The following ANKS1B variants were observed in gnomAD, a reference collection of about 807,000 sequenced individuals.
ANKS1B encodes the protein ankyrin repeat and sterile alpha motif domain containing 1B.
Under a neutral mutation model 148.3 loss-of-function variants are expected in ANKS1B, and 36 were observed. The ratio of observed to expected loss-of-function variants is 0.24; its 90% confidence interval spans 0.19 to 0.32. The LOEUF (loss-of-function observed/expected upper bound fraction) is 0.32. Ranked by LOEUF, ANKS1B falls within the 10% of genes least tolerant of loss-of-function variation. ANKS1B has a pLI of 1.00. For missense variants in ANKS1B, 1,157 were observed against 1,542.6 expected (o/e 0.75, Z 4.19); for synonymous variants, 542 against 560.8 (o/e 0.97, Z 0.47).
At chr12:99,807,086 G>C (rs925567297) in intron 3 of ANKS1B, among the ~76,000 whole-genome samples, 2 of 152,158 alleles carry the variant, frequency 1.3e-5, no homozygotes, top group African/African-American at 4.8e-5. Context: ...ACTTTTAATA[G>C]ACTGGCTTTC....
At chr12:98,924,691 G>C (rs529889870) in intron 17 of ANKS1B, among the ~76,000 whole-genome samples, 46 of 152,202 alleles carry the variant, frequency 3.0e-4, no homozygotes, top group Admixed American at 5.2e-4. Flanking sequence ...ATGGTCTTAT[G>C]GTGTCAGAAG....
intron 17 of ANKS1B, among the ~76,000 whole-genome samples, chr12:98,934,736 T>A (rs968368976): frequency 3.3e-5 from 5 of 152,074 alleles, no homozygotes; most frequent in African/African-American, 1.2e-4. Context: ...GTAAATAGAA[T>A]TTTTTTCCTA....
rs576118876 is a variant in ANKS1B, at chr12:99,711,548, A to T, written c.1129-56338T>A. Among the ~76,000 whole-genome samples, 8 of 152,292 alleles carry T rather than the reference A, an allele frequency of 5.3e-5. 1 individual carries two copies. The East Asian group carries it at 1.4e-3, about 26-fold the overall frequency. On this transcript the variant is annotated intron_variant, in intron 8 of 26. Transcript: ENST00000683438. The stretch of plus-strand genomic sequence containing the variant: ...ATTTAAAAGTGGGCAAAGAACGTGA[A>T]CACTTTCCTAAAGAAGATATACCTG...
rs1256789324 is a variant in ANKS1B at position 98,894,882 on chromosome 12, G to A, written c.2779-62746C>T. 6.1e-6 allele frequency: 6 copies of A among 975,748 alleles called. No individual in the cohort carries two copies. In the South Asian group the frequency reaches 2.8e-4, roughly 46 times the overall value. The allele number at this position is 975,748 out of a possible 1,614,324, so 60.4% of individuals were successfully genotyped here. A position where few individuals can be genotyped will look rare whatever the true frequency, so the allele number is the denominator to read the frequency against. ...CTCCCCGCGAGCTCCCCGGGCCCGC[G>A]CGCGCGCCCCCCACTGCCCCCGCCC... On this transcript the variant is annotated intron_variant, in intron 17 of 26. Coordinates refer to ENST00000683438, the MANE Select transcript of ANKS1B (RefSeq NM_001352186.2).
chr12:98,955,666 G>A (rs574535986), intron 17 of ANKS1B, among the ~76,000 whole-genome samples: 2 of 152,310 alleles, frequency 1.3e-5, no homozygotes, highest in African/African-American at 2.4e-5. Context: ...TTTGGCATAT[G>A]AGAGACAGAG....
At chr12:99,209,152 A>G (rs1170173338) in intron 14 of ANKS1B, among the ~76,000 whole-genome samples, 2 of 152,186 alleles carry the variant, frequency 1.3e-5, no homozygotes, top group Non-Finnish European at 2.9e-5. Context: ...TTGGTTTCCT[A>G]TCTTCCAGAG....
chr12:98,862,479 G>GA (rs142640168), intron 17 of ANKS1B, among the ~76,000 whole-genome samples: 1 of 152,174 alleles, frequency 6.6e-6, no homozygotes, highest in East Asian at 1.9e-4. Context: ...ATTATTACTA[G>GA]AAAAAAATTG....
At chr12:99,135,208 A>T (rs1230398084) in intron 15 of ANKS1B, among the ~76,000 whole-genome samples, 1 of 152,136 alleles carries the variant, frequency 6.6e-6, no homozygotes, top group African/African-American at 2.4e-5. Flanking sequence ...ATTGAAAGCA[A>T]TCTCCTAGAG....
At chr12:99,876,774 A>G (rs976253749) in intron 1 of ANKS1B, among the ~76,000 whole-genome samples, 5 of 151,978 alleles carry the variant, frequency 3.3e-5, no homozygotes, top group Non-Finnish European at 1.5e-5. Context: ...CTGTGCAAAG[A>G]ACACTGTATG....
intron 12 of ANKS1B, among the ~76,000 whole-genome samples, chr12:99,399,105 G>T (rs1205896737): frequency 6.6e-6 from 1 of 152,088 alleles, no homozygotes; most frequent in Admixed American, 6.6e-5. Context: ...AAATCTGACT[G>T]CATGGAACAA....
At chr12:99,347,305 C>T (rs1044806225) in intron 12 of ANKS1B, among the ~76,000 whole-genome samples, 2 of 151,908 alleles carry the variant, frequency 1.3e-5, no homozygotes, top group African/African-American at 4.8e-5. Context: ...AAGTGAGATG[C>T]TTGGGGGAGT....
chr12:99,607,977 CA>C (rs1567463634), intron 9 of ANKS1B, among the ~76,000 whole-genome samples: 1 of 151,772 alleles, frequency 6.6e-6, no homozygotes, highest in Non-Finnish European at 1.5e-5. Flanking sequence ...ATGAGTGGTA[CA>C]AAAAGTACAT....
chr12:99,618,358 T>C (rs912370784), intron 9 of ANKS1B, among the ~76,000 whole-genome samples: 3 of 152,226 alleles, frequency 2.0e-5, no homozygotes, highest in African/African-American at 7.2e-5. Context: ...AAAATCTCTA[T>C]ACTGCGTTTT....
chr12:98,832,042 G>A lies in ANKS1B; in HGVS notation c.2873C>T (p.Ser958Phe). Residue 958 changes from serine (S) to phenylalanine (F), a missense_variant, in exon 18 of 27, where the codon TCC becomes TTC. Coordinates refer to ENST00000683438, the MANE Select transcript of ANKS1B (RefSeq NM_001352186.2). ...CTTGGCACTTACCCTGAGGGTGATG[G>A]ACCGAGGGGGCTTCTGTGGGGGATC... ...HDDPPQKPPR[S>F]ITLREPSGNH... The A allele has an allele frequency of 1.3e-6, 2 of 1,591,950 alleles. No individual in the cohort carries two copies. Among genetic ancestry groups the A allele is most frequent in the East Asian group, 2.3e-5 (1 of 44,064 alleles).
At chr12:99,045,971 T>A (rs1197645538) in intron 17 of ANKS1B, among the ~76,000 whole-genome samples, 2 of 151,976 alleles carry the variant, frequency 1.3e-5, no homozygotes, top group African/African-American at 2.4e-5. Flanking sequence ...TACATGCATG[T>A]GAGGAAATGG....
chr12:98,990,157 CTCTT>C (rs1237134225), intron 17 of ANKS1B, among the ~76,000 whole-genome samples: 2 of 152,072 alleles, frequency 1.3e-5, no homozygotes, highest in African/African-American at 4.8e-5. Context: ...TGCATGAGAT[CTCTT>C]TCTATTTGTG....
At chr12:99,202,248 C>T (rs930487654) in intron 14 of ANKS1B, among the ~76,000 whole-genome samples, 4 of 152,148 alleles carry the variant, frequency 2.6e-5, no homozygotes, top group African/African-American at 9.7e-5. Context: ...AGCTAATAAT[C>T]CAACAGGACA....
chr12:99,341,726 T>C (rs1373606082), intron 12 of ANKS1B, among the ~76,000 whole-genome samples: 1 of 152,084 alleles, frequency 6.6e-6, no homozygotes, highest in African/African-American at 2.4e-5. Context: ...TGGTAAGTAC[T>C]GTAAGTAGGT....
At chr12:99,940,949 T>C (rs1217387403) in intron 1 of ANKS1B, among the ~76,000 whole-genome samples, 2 of 152,168 alleles carry the variant, frequency 1.3e-5, no homozygotes, top group Non-Finnish European at 2.9e-5. Context: ...AGCAGCAGCA[T>C]ATGCCTTCAT....
Sources: gnomAD v4.1 joint callset for allele counts (sites outside exome capture counted in the v4.1 genomes callset) on GRCh38, gnomAD v4.1.1 for gene constraint, MANE v1.5 for transcripts, NCBI Gene and HGNC (gene_info 2026-07-23, HGNC 2026-07-21) for gene names.